CRTAP: variants seen among roughly 807,000 people sequenced by gnomAD.
CRTAP encodes the protein cartilage-associated protein.
In CRTAP, 33 loss-of-function variants were observed where a neutral mutation model predicts 42.7. The ratio of observed to expected loss-of-function variants is 0.77; its 90% CI spans 0.59 to 1.03. The LOEUF is 1.03. Among genes scored for constraint, CRTAP ranks in the 50% least tolerant of loss-of-function variants. The pLI is 0.00. For missense variants in CRTAP, 613 were observed against 533.9 expected (o/e 1.15, Z -1.46); for synonymous variants, 243 against 217.7 (o/e 1.12, Z -1.02).
intron 1 of CRTAP, among the ~76,000 whole-genome samples, chr3:33,118,370 A>C (rs1701371347): frequency 6.6e-6 from 1 of 152,170 alleles, no homozygotes; most frequent in Non-Finnish European, 1.5e-5. Context: ...GCTGAAGACT[A>C]GCCTTTTTCT....
chr3:33,134,277 T>G lies in CRTAP; in HGVS notation c.1152+12T>G. On this transcript the variant is annotated intron_variant, in intron 6 of 6. Coordinates refer to ENST00000320954, the MANE Select transcript of CRTAP (RefSeq NM_006371.5). ...TGGATGATGATGAGGTAAGTTTTCA[T>G]GCTTAGCACATGTCTGGTGGCTACG... The G allele has an allele frequency of 1.3e-6, 2 of 1,527,136 alleles. No homozygotes were observed. The highest frequency in any genetic ancestry group is 4.5e-5 in the East Asian group (2 of 44,448). 94.6% of individuals were successfully genotyped at this position (1,527,136 alleles called of 1,614,324 possible). A position where few individuals can be genotyped will look rare whatever the true frequency, so the allele number is the denominator to read the frequency against.
At position 33,116,153 on chromosome 3, in the gene CRTAP, C is replaced by A. The variant is rs1701340485; in HGVS notation, c.471+1605C>A. Among the ~76,000 whole-genome samples, 4 of 152,110 alleles carry A rather than the reference C, an allele frequency of 2.6e-5. No individual in the cohort carries two copies. The South Asian group carries it at 8.3e-4, about 32-fold the overall frequency. On this transcript the variant is annotated intron_variant, in intron 1 of 6. Coordinates refer to ENST00000320954, the MANE Select transcript of CRTAP (RefSeq NM_006371.5). Reference sequence around the variant, plus strand: ...TAGAGAATACTAGAACCTCTGATTTCTTTAATATACAGATGAATTTGAACA... The same window carrying A: ...TAGAGAATACTAGAACCTCTGATTTATTTAATATACAGATGAATTTGAACA...
At chr3:33,129,819 G>A in intron 3 of CRTAP, 120 bp from the exon 4 acceptor site, 1 of 952,384 alleles carries the variant, frequency 1.0e-6, no homozygotes, top group South Asian at 1.3e-5. Context: ...TTACAGGCGT[G>A]AGCCACCGCG....
chr3:33,119,024 C>G (rs1299754396), intron 1 of CRTAP, among the ~76,000 whole-genome samples: 1 of 152,188 alleles, frequency 6.6e-6, no homozygotes, highest in South Asian at 2.1e-4. Context: ...TGCAGCTCCT[C>G]TCCAATTTCT....
chr3:33,120,455 GA>G lies in CRTAP; in HGVS notation c.584del (p.Glu195GlyfsTer69). 1 of 1,611,150 alleles carries G rather than the reference GA, an allele frequency of 6.2e-7. No homozygotes were observed. ...MAYYKSLPGA[E>X]DYIKDLETKS... ...ATATTATAAGAGCCTGCCTGGTGCC[GA>G]GGACTACATTAAAGACCTGGAAACC... On this transcript the variant is annotated frameshift_variant, in exon 2 of 7. Transcript: ENST00000320954. LOFTEE classifies it high-confidence loss of function.
At chr3:33,135,835 G>A (rs1361940425) in intron 6 of CRTAP, among the ~76,000 whole-genome samples, 1 of 151,792 alleles carries the variant, frequency 6.6e-6, no homozygotes, top group Non-Finnish European at 1.5e-5. Flanking sequence ...TATTATGTGA[G>A]CAGTTTCTCT....
At position 33,145,057 on chromosome 3, in the gene CRTAP, T is replaced by TG. The variant is rs2030684902; in HGVS notation, c.*2613dup. On this transcript the variant is annotated 3_prime_UTR_variant, in exon 7 of 7. Coordinates refer to ENST00000320954, the MANE Select transcript of CRTAP (RefSeq NM_006371.5). This position sits in a 1 kb window ranked among gnomAD's most constrained non-coding sequence, Gnocchi z 4.3. Reference sequence around the variant, plus strand: ...GGGTTTTTGTGTAATGGTGGTTAATTGGGGTGGAACACTCACACGTTGTGC... The same window carrying TG: ...GGGTTTTTGTGTAATGGTGGTTAATTGGGGGTGGAACACTCACACGTTGTGC... The TG allele has an allele frequency of 6.6e-6, 1 of 152,198 alleles. No individual in the cohort carries two copies. The highest frequency in any genetic ancestry group is 1.5e-5 in the Non-Finnish European group (1 of 68,050). 9.4% of individuals were successfully genotyped at this position (152,198 alleles called of 1,614,324 possible).
chr3:33,147,745 A>G lies in CRTAP; in HGVS notation c.*5297A>G, dbSNP rs1182307339. 2 of 152,246 alleles carry G rather than the reference A, an allele frequency of 1.3e-5. No individual in the cohort carries two copies. Among genetic ancestry groups the G allele is most frequent in the African/African-American group, 4.8e-5 (2 of 41,464 alleles). 9.4% of individuals were successfully genotyped at this position (152,246 alleles called of 1,614,324 possible). On this transcript the variant is annotated 3_prime_UTR_variant, in exon 7 of 7. Transcript: ENST00000320954. The stretch of plus-strand genomic sequence containing the variant: ...ACAAAAGGTTTTTGTTTTTCTTTTT[A>G]AATCACATTAAATGTTTTACATTGC...
At chr3:33,121,495 TAG>T (rs57547336) in intron 2 of CRTAP, among the ~76,000 whole-genome samples, 9,705 of 151,918 alleles carry the variant, frequency 0.064, 952 homozygotes, top group African/African-American at 0.21. Flanking sequence ...GGGTTTTCTG[TAG>T]AGTGATCAGA....
intron 6 of CRTAP, among the ~76,000 whole-genome samples, chr3:33,135,784 ACT>A (rs1275796828): frequency 6.6e-6 from 1 of 151,898 alleles, no homozygotes; most frequent in African/African-American, 2.4e-5. Context: ...TTTATTATAA[ACT>A]CAGCTATAAT....
At position 33,114,488 on chromosome 3, in the gene CRTAP, G is replaced by A. The variant is rs17850371; in HGVS notation, c.411G>A (p.Glu137=). 1 of 1,603,772 alleles carries A rather than the reference G, an allele frequency of 6.2e-7. No individual in the cohort carries two copies. Among genetic ancestry groups the A allele is most frequent in the South Asian group, 1.1e-5 (1 of 89,466 alleles). ...PAFRQSQPSR[E]VLADFQRREP... ...TCCGCCAGTCCCAGCCCAGCCGCGA[G>A]GTGCTGGCGGACTTCCAGCGCCGCG... is the stretch of plus-strand genomic sequence containing the variant. The change falls in exon 1 of 7, where the codon GAG becomes GAA. Residue 137 remains glutamate (E), a synonymous_variant. Coordinates refer to ENST00000320954, the MANE Select transcript of CRTAP (RefSeq NM_006371.5).
In CRTAP at chr3:33,123,759, A is replaced by C. The variant is rs576646522; in HGVS notation, c.622-649A>C. Among the ~76,000 whole-genome samples the C allele has an allele frequency of 3.4e-4, 51 of 150,942 alleles. No individual in the cohort carries two copies. The East Asian group carries it at 9.8e-3, about 29-fold the overall frequency. On this transcript the variant is annotated intron_variant, in intron 2 of 6. Transcript: ENST00000320954. The stretch of plus-strand genomic sequence containing the variant: ...ATTCTTGTGCCTCAGCCTCGTGAGT[A>C]GCTGGGACTACAAGCATGTGACTAC...
chr3:33,144,723 A>G lies in CRTAP; in HGVS notation c.*2275A>G, dbSNP rs561767989. The G allele has an allele frequency of 1.3e-5, 2 of 152,340 alleles. No individual in the cohort carries two copies. The highest frequency in any genetic ancestry group is 4.1e-4 in the South Asian group (2 of 4,822). 9.4% of individuals were successfully genotyped at this position (152,340 alleles called of 1,614,324 possible). A position where few individuals can be genotyped will look rare whatever the true frequency, so the allele number is the denominator to read the frequency against. ...TTAAAGCCATGCAGCTGGAGGGGCC[A>G]CTGAGATTGTCTCTGAGTATTACTG... On this transcript the variant is annotated 3_prime_UTR_variant, in exon 7 of 7. Transcript: ENST00000320954.
At chr3:33,122,477 G>A (rs879503269) in intron 2 of CRTAP, among the ~76,000 whole-genome samples, 1 of 152,006 alleles carries the variant, frequency 6.6e-6, no homozygotes, top group Non-Finnish European at 1.5e-5. Flanking sequence ...GGGAGGCCAA[G>A]GTGGGTGGAT....
At chr3:33,129,832 C>A (rs772001816) in intron 3 of CRTAP, 107 bp from the exon 4 acceptor site, 9 of 1,172,202 alleles carry the variant, frequency 7.7e-6, no homozygotes, top group Admixed American at 1.8e-5. Flanking sequence ...CCACCGCGCC[C>A]GGCCTGTAAA....
In CRTAP at chr3:33,114,333, C is replaced by G; in HGVS notation, c.256C>G (p.Arg86Gly). The change falls in exon 1 of 7, where the codon CGC becomes GGC. Residue 86 changes from arginine (R) to glycine (G), a missense_variant. Arg to Gly is a moderately radical substitution (Grantham distance 125). Transcript: ENST00000320954. ...LLRDSEAFCH[R>G]NCSAAPQPEP... The stretch of plus-strand genomic sequence containing the variant: ...GCGCGACAGCGAGGCCTTCTGCCAC[C>G]GCAACTGCAGCGCCGCGCCGCAGCC... 1 of 1,537,408 alleles carries G rather than the reference C, an allele frequency of 6.5e-7. No homozygotes were observed. The highest frequency in any genetic ancestry group is 8.7e-7 in the Non-Finnish European group (1 of 1,149,368).
chr3:33,139,255 A>T (rs943071637), intron 6 of CRTAP, among the ~76,000 whole-genome samples: 1 of 152,118 alleles, frequency 6.6e-6, no homozygotes, highest in Non-Finnish European at 1.5e-5. Flanking sequence ...GTGAACCATA[A>T]GCATGCCACT....
intron 3 of CRTAP, among the ~76,000 whole-genome samples, chr3:33,128,001 C>T (rs1340583697): frequency 2.0e-5 from 3 of 150,716 alleles, no homozygotes; most frequent in African/African-American, 4.9e-5. Flanking sequence ...GCCCGCCTTG[C>T]CCTCCCAAAG....
At chr3:33,117,120 T>G (rs951671727) in intron 1 of CRTAP, among the ~76,000 whole-genome samples, 1 of 152,114 alleles carries the variant, frequency 6.6e-6, no homozygotes. Flanking sequence ...AAAAAAGTGA[T>G]GTTTACGTGT....
Sources: allele counts gnomAD v4.1 joint callset (sites outside exome capture counted in the v4.1 genomes callset), GRCh38; gene constraint gnomAD v4.1.1; non-coding constraint Gnocchi (gnomAD v3.1); transcripts MANE v1.5; gene names NCBI Gene and HGNC (gene_info 2026-07-23, HGNC 2026-07-21).